The following IFT81 variants were observed in gnomAD, a reference collection of about 807,000 sequenced individuals.
IFT81 encodes the protein intraflagellar transport 81.
Under a neutral mutation model 102.6 loss-of-function variants are expected in IFT81, and 72 were observed. The observed-to-expected ratio is 0.70, with a 90% confidence interval of 0.58 to 0.85. The LOEUF (loss-of-function observed/expected upper bound fraction) is 0.85. IFT81 is among the 40% of genes least tolerant of loss of function. The pLI is 0.00. For synonymous variants in IFT81, 237 were observed against 242.7 expected, an observed-to-expected ratio of 0.98 and a Z score of 0.22; for missense variants, 723 against 787.3, an observed-to-expected ratio of 0.92 and a Z score of 0.98.
At chr12:110,145,286 G>A (rs184704738) in intron 9 of IFT81, among the ~76,000 whole-genome samples, 12 of 151,780 alleles carry the variant, frequency 7.9e-5, no homozygotes, top group East Asian at 7.8e-4. Context: ...GCCTGCCTCC[G>A]TCCACCTCAG....
intron 11 of IFT81, chr12:110,167,743 G>A (rs1896513620): frequency 6.5e-6 from 1 of 154,170 alleles, no homozygotes; most frequent in Admixed American, 6.5e-5. Flanking sequence ...TTTTTAATTA[G>A]GCAATTACAA....
At chr12:110,174,618 C>T (rs1896961543) in intron 11 of IFT81, among the ~76,000 whole-genome samples, 1 of 152,082 alleles carries the variant, frequency 6.6e-6, no homozygotes. Flanking sequence ...ATTCTTGTTT[C>T]ACATAAATAT....
At chr12:110,149,429 T>C (rs766923359) in intron 10 of IFT81, among the ~76,000 whole-genome samples, 78 of 152,182 alleles carry the variant, frequency 5.1e-4, no homozygotes, top group Non-Finnish European at 8.8e-4. Context: ...TGTTACAGTG[T>C]GCTCTTTTAG....
chr12:110,191,153 A>T (rs576370868), intron 13 of IFT81, 105 bp downstream of exon 13: 2 of 966,026 alleles, frequency 2.1e-6, no homozygotes, highest in East Asian at 2.7e-5. Flanking sequence ...ATTTCTGCAC[A>T]TTACATTCTT....
chr12:110,135,366 G>C lies in IFT81; in HGVS notation c.625G>C (p.Ala209Pro). ...AQNHQWMLKI[A>P]RQLRVEKERE... ...GAATCATCAATGGATGCTTAAAATA[G>C]CAAGGCAACTTCGAGTTGAAAAAGA... The change falls in exon 7 of 19, where the codon GCA becomes CCA. Residue 209 changes from alanine to proline, a missense_variant. Coordinates refer to ENST00000242591, the MANE Select transcript of IFT81 (RefSeq NM_014055.4). The C allele has an allele frequency of 6.2e-7, 1 of 1,613,350 alleles. No individual in the cohort carries two copies. The highest frequency in any genetic ancestry group is 1.1e-5 in the South Asian group (1 of 91,016).
At chr12:110,182,498 G>T (rs778941905) in intron 12 of IFT81, among the ~76,000 whole-genome samples, 26 of 152,122 alleles carry the variant, frequency 1.7e-4, no homozygotes, top group Non-Finnish European at 3.4e-4. Flanking sequence ...TGAGACTCTA[G>T]TAATCATGCC....
At position 110,132,575 on chromosome 12, in the gene IFT81, C is replaced by CT; in HGVS notation, c.461dup (p.Leu154PhefsTer3). 1 of 1,562,362 alleles carries CT rather than the reference C, an allele frequency of 6.4e-7. No homozygotes were observed. The highest frequency in any genetic ancestry group is 8.8e-7 in the Non-Finnish European group (1 of 1,140,656). Reference sequence around the variant, plus strand: ...GAAGAGTTAATGGAAGCCTTTAAAACTTTGCATAAAGAATATGAGCAGCTC... The same window carrying CT: ...GAAGAGTTAATGGAAGCCTTTAAAACTTTTGCATAAAGAATATGAGCAGCTC... On this transcript the variant is annotated frameshift_variant, in exon 5 of 19. Coordinates refer to ENST00000242591, the MANE Select transcript of IFT81 (RefSeq NM_014055.4). LOFTEE classifies it high-confidence loss of function.
chr12:110,136,752 A>C (rs774785866), intron 7 of IFT81, 24 bp from the exon 8 acceptor site: 2 of 1,464,932 alleles, frequency 1.4e-6, no homozygotes, highest in Admixed American at 3.5e-5. Context: ...CTAAGCAAGT[A>C]ATCTATTTAA....
At chr12:110,186,209 T>C (rs1215296124) in intron 12 of IFT81, among the ~76,000 whole-genome samples, 1 of 152,116 alleles carries the variant, frequency 6.6e-6, no homozygotes, top group Non-Finnish European at 1.5e-5. Context: ...CTGACTTCCA[T>C]TATTTATTTC....
intron 4 of IFT81, among the ~76,000 whole-genome samples, chr12:110,130,779 T>A (rs1225451668): frequency 1.3e-5 from 2 of 151,820 alleles, no homozygotes; most frequent in Non-Finnish European, 2.9e-5. Flanking sequence ...TATATATGTA[T>A]ATACATATAC....
chr12:110,215,228 A>G (rs1049463049), intron 18 of IFT81, among the ~76,000 whole-genome samples: 1 of 151,692 alleles, frequency 6.6e-6, no homozygotes, highest in Non-Finnish European at 1.5e-5. Flanking sequence ...AGAGGAAAGG[A>G]TGAGGTTGTT....
At chr12:110,142,928 A>G (rs1018185326) in intron 8 of IFT81, among the ~76,000 whole-genome samples, 1 of 152,108 alleles carries the variant, frequency 6.6e-6, no homozygotes, top group African/African-American at 2.4e-5. Flanking sequence ...ACATATGTAT[A>G]TATATAGCAT....
chr12:110,151,745 A>G (rs903400637), intron 10 of IFT81, among the ~76,000 whole-genome samples: 5 of 152,144 alleles, frequency 3.3e-5, no homozygotes, highest in Admixed American at 6.5e-5. Flanking sequence ...ATATTATACA[A>G]AGATCTCTTG....
chr12:110,144,051 C>G (rs1350844397), intron 9 of IFT81, among the ~76,000 whole-genome samples: 2 of 141,304 alleles, frequency 1.4e-5, no homozygotes, highest in Non-Finnish European at 3.0e-5. Context: ...GCTCTGTTGC[C>G]CAGGCTAGAG....
chr12:110,158,412 AAAAAAT>A (rs1895961332), intron 10 of IFT81, among the ~76,000 whole-genome samples: 1 of 151,840 alleles, frequency 6.6e-6, no homozygotes, highest in African/African-American at 2.4e-5. Context: ...ATTTTATTCT[AAAAAAT>A]AGAAACAGGG....
chr12:110,175,613 A>C (rs912394458), intron 11 of IFT81, among the ~76,000 whole-genome samples: 3 of 152,238 alleles, frequency 2.0e-5, no homozygotes, highest in Non-Finnish European at 4.4e-5. Context: ...AAGTCCTGCT[A>C]CTTGTAAAAG....
chr12:110,203,841 A>G (rs776932612), intron 14 of IFT81, 23 bp from the exon 15 acceptor site: 7 of 1,520,386 alleles, frequency 4.6e-6, no homozygotes, highest in East Asian at 2.3e-5. Context: ...CACTTATTCA[A>G]TCATTTTCCC....
chr12:110,178,018 C>T (rs1897114682), intron 11 of IFT81, among the ~76,000 whole-genome samples: 1 of 151,770 alleles, frequency 6.6e-6, no homozygotes, highest in South Asian at 2.1e-4. Flanking sequence ...TTGCTAGAAC[C>T]CTGGAGGCAG....
intron 12 of IFT81, among the ~76,000 whole-genome samples, chr12:110,185,317 C>A (rs1897479416): frequency 6.6e-6 from 1 of 152,130 alleles, no homozygotes; most frequent in Non-Finnish European, 1.5e-5. Flanking sequence ...TCCCAAGTAG[C>A]TGGGACTACA....
Sources: allele counts gnomAD v4.1 joint callset (sites outside exome capture counted in the v4.1 genomes callset), GRCh38; gene constraint gnomAD v4.1.1; transcripts MANE v1.5; gene names NCBI Gene and HGNC (gene_info 2026-07-23, HGNC 2026-07-21).